The following ATG5 variants were observed in gnomAD, a reference collection of about 807,000 sequenced individuals.
The protein encoded by ATG5 is autophagy protein 5.
ATG5 carries 14 observed loss-of-function variants against 36.5 expected under a neutral mutation model. The ratio of observed to expected loss-of-function variants is 0.38; its 90% CI spans 0.25 to 0.60. The LOEUF (loss-of-function observed/expected upper bound fraction) is 0.60, where lower values mean the gene tolerates loss of function less well. Among genes scored for constraint, ATG5 ranks in the 20% least tolerant of loss-of-function variants. The probability of loss-of-function intolerance (pLI) is 0.60; values close to 1 mark genes in which losing one functional copy is unlikely to be tolerated. For missense variants in ATG5, 195 were observed against 326.7 expected, an observed-to-expected ratio of 0.60 and a Z score of 3.11; for synonymous variants, 95 against 101.5, an observed-to-expected ratio of 0.94 and a Z score of 0.38.
At chr6:106,213,530 A>C (rs938846322) in intron 6 of ATG5, among the ~76,000 whole-genome samples, 4 of 152,220 alleles carry the variant, frequency 2.6e-5, no homozygotes, top group African/African-American at 7.2e-5. Context: ...CTTGAAATAC[A>C]TATTTTTTTT....
At chr6:106,264,782 C>A (rs963210393) in intron 5 of ATG5, among the ~76,000 whole-genome samples, 7 of 152,070 alleles carry the variant, frequency 4.6e-5, no homozygotes, top group Non-Finnish European at 1.0e-4. Context: ...CCTTTAGAGA[C>A]AAGCAAATGC....
chr6:106,196,580 C>T (rs1361805677), intron 7 of ATG5, among the ~76,000 whole-genome samples: 1 of 151,980 alleles, frequency 6.6e-6, no homozygotes, highest in Admixed American at 6.6e-5. Flanking sequence ...AAAAATTAGC[C>T]AGGCATGGTG....
rs531876803 is a variant in ATG5, at chr6:106,269,329, C to T, written c.478+10332G>A. On this transcript the variant is annotated intron_variant, in intron 5 of 7. Coordinates refer to ENST00000369076, the MANE Select transcript of ATG5 (RefSeq NM_004849.4). ...GCTAGACATAAAGGTTCTCCACGTCCCCACCAGACTCAGGAGCCCAGCTGG... is the reference window on the plus strand; with the variant it reads ...GCTAGACATAAAGGTTCTCCACGTCTCCACCAGACTCAGGAGCCCAGCTGG... Among the ~76,000 whole-genome samples the T allele has an allele frequency of 3.9e-5, 6 of 152,358 alleles. No individual in the cohort carries two copies. In the East Asian group the frequency reaches 7.7e-4, roughly 20 times the overall value.
chr6:106,186,749 A>G, intron 7 of ATG5, 73 bp from the exon 8 acceptor site: 1 of 1,524,286 alleles, frequency 6.6e-7, no homozygotes. Context: ...GTGCCTTTTG[A>G]GAATCCTTAG....
chr6:106,197,528 T>TC (rs1554212031), intron 7 of ATG5, among the ~76,000 whole-genome samples: 4 of 54,910 alleles, frequency 7.3e-5, no homozygotes, highest in African/African-American at 2.6e-4. Flanking sequence ...TGGGTTGGGG[T>TC]GGGGGGGGCG....
chr6:106,257,135 C>T (rs1453443911), intron 5 of ATG5, among the ~76,000 whole-genome samples: 1 of 152,164 alleles, frequency 6.6e-6, no homozygotes, highest in Admixed American at 6.5e-5. Flanking sequence ...TCACTGTCTT[C>T]CACCTCCACA....
At chr6:106,315,584 C>T (rs1770811239) in intron 2 of ATG5, among the ~76,000 whole-genome samples, 1 of 151,942 alleles carries the variant, frequency 6.6e-6, no homozygotes, top group Non-Finnish European at 1.5e-5. Flanking sequence ...TCACATATAA[C>T]ATACAATAGC....
chr6:106,206,428 C>G (rs931172669), intron 6 of ATG5, among the ~76,000 whole-genome samples: 42 of 152,060 alleles, frequency 2.8e-4, no homozygotes, highest in African/African-American at 1.0e-3. Context: ...CGTGGTGGAT[C>G]ACCTGAGGTC....
intron 6 of ATG5, among the ~76,000 whole-genome samples, chr6:106,226,277 A>C (rs1777450508): frequency 6.6e-6 from 1 of 152,250 alleles, no homozygotes; most frequent in Non-Finnish European, 1.5e-5. Flanking sequence ...TAGTTCAGGA[A>C]AGAAACTAAA....
At chr6:106,195,027 C>T (rs551742540) in intron 7 of ATG5, among the ~76,000 whole-genome samples, 1 of 152,210 alleles carries the variant, frequency 6.6e-6, no homozygotes, top group East Asian at 1.9e-4. Flanking sequence ...TGGTCATTTC[C>T]TGTTACCTCC....
At chr6:106,279,883 TA>T in intron 4 of ATG5, 60 bp from the exon 5 acceptor site, 1 of 1,153,276 alleles carries the variant, frequency 8.7e-7, no homozygotes. Flanking sequence ...ATTAACCTCT[TA>T]AAAGAGAACT....
intron 6 of ATG5, among the ~76,000 whole-genome samples, chr6:106,232,203 C>A (rs1777720646): frequency 6.6e-6 from 1 of 152,170 alleles, no homozygotes; most frequent in Non-Finnish European, 1.5e-5. Context: ...TAACTGTCTC[C>A]TGGACACTGG....
At position 106,206,150 on chromosome 6, in the gene ATG5, G is replaced by C. The variant is rs566090259; in HGVS notation, c.574-4061C>G. On this transcript the variant is annotated intron_variant, in intron 6 of 7. Coordinates refer to ENST00000369076, the MANE Select transcript of ATG5 (RefSeq NM_004849.4). ...GGCAGTATTAAGAGGTGAAGCCTTTGAGAGGTAATTAGGTCATGAGGGCAG... is the reference window on the plus strand; with the variant it reads ...GGCAGTATTAAGAGGTGAAGCCTTTCAGAGGTAATTAGGTCATGAGGGCAG... 3.3e-5 allele frequency among the ~76,000 whole-genome samples: 5 copies of C among 151,460 alleles called. No individual in the cohort carries two copies. In the South Asian group the frequency reaches 1.0e-3, roughly 32 times the overall value.
chr6:106,321,885 T>C (rs757275867), intron 1 of ATG5, among the ~76,000 whole-genome samples: 24 of 152,190 alleles, frequency 1.6e-4, no homozygotes, highest in Non-Finnish European at 2.6e-4. Context: ...AGTTAGCACA[T>C]AGTAGGCTTT....
chr6:106,225,827 T>G (rs138891251), intron 6 of ATG5, among the ~76,000 whole-genome samples: 2 of 152,174 alleles, frequency 1.3e-5, no homozygotes, highest in South Asian at 2.1e-4. Context: ...TCAGTGGCAA[T>G]TGTTAAACAT....
rs148105988 is a variant in ATG5, at chr6:106,228,206, C to T, written c.573+19944G>A. On this transcript the variant is annotated intron_variant, in intron 6 of 7. Transcript: ENST00000369076. ...TTCACTCTATTAAATCTTGCAACTG[C>T]ACTCTTCTGGTCCGTGTTTGTTACG... 9.8e-5 allele frequency among the ~76,000 whole-genome samples: 15 copies of T among 152,322 alleles called. No homozygotes were observed. In the East Asian group the frequency reaches 2.9e-3, roughly 29 times the overall value.
At chr6:106,294,863 A>G in intron 3 of ATG5, among the ~76,000 whole-genome samples, 1 of 150,750 alleles carries the variant, frequency 6.6e-6, no homozygotes, top group Non-Finnish European at 1.5e-5. Flanking sequence ...AAAAAAAAAG[A>G]ATTTAGGATG....
Position 106,299,375 on chromosome 6 carries a change from T to TC in ATG5, c.237-6270dup, listed in dbSNP as rs1209431869. ...GTATTATTATTAGTTATTGCTTTTT[T>TC]CCCCCAAATATTTTCAATCCATGGT... On this transcript the variant is annotated intron_variant, in intron 3 of 7. Coordinates refer to ENST00000369076, the MANE Select transcript of ATG5 (RefSeq NM_004849.4). 2.6e-5 allele frequency among the ~76,000 whole-genome samples: 4 copies of TC among 152,274 alleles called. No homozygotes were observed. In the East Asian group the frequency reaches 7.7e-4, roughly 29 times the overall value.
intron 5 of ATG5, among the ~76,000 whole-genome samples, chr6:106,277,462 G>A (rs1034768034): frequency 6.6e-6 from 1 of 152,208 alleles, no homozygotes; most frequent in African/African-American, 2.4e-5. Context: ...AATTACGATT[G>A]TTCCACAATC....
Sources: allele counts gnomAD v4.1 joint callset (sites outside exome capture counted in the v4.1 genomes callset), GRCh38; gene constraint gnomAD v4.1.1; transcripts MANE v1.5; gene names NCBI Gene and HGNC (gene_info 2026-07-23, HGNC 2026-07-21).